Variants in UFSP2 observed in about 807,000 individuals in gnomAD.
The protein encoded by UFSP2 is ufm1-specific protease 2.
In UFSP2, 43 loss-of-function variants were observed where a neutral mutation model predicts 60.2. That is an observed-to-expected ratio of 0.71 (90% CI 0.56 to 0.92). The LOEUF (loss-of-function observed/expected upper bound fraction) is 0.92, where lower values mean the gene tolerates loss of function less well. Among genes scored for constraint, UFSP2 ranks in the 40% least tolerant of loss-of-function variants. The pLI is 0.00. For synonymous variants in UFSP2, 183 were observed against 195.1 expected (o/e 0.94, Z 0.52); for missense variants, 520 against 575.0 (o/e 0.90, Z 0.98).
chr4:185,402,446 CTG>C (rs2095514484), intron 11 of UFSP2: 1 of 378,212 alleles, frequency 2.6e-6, no homozygotes, highest in South Asian at 2.0e-5. Context: ...CTTCAGTAAA[CTG>C]AGGATATAAC....
At position 185,399,662 on chromosome 4, in the gene UFSP2, T is replaced by A; in HGVS notation, c.*730A>T. On this transcript the variant is annotated 3_prime_UTR_variant, in exon 12 of 12. Coordinates refer to ENST00000264689, the MANE Select transcript of UFSP2 (RefSeq NM_018359.5). ...AAGTTTCTTACAACAATTAAATGTA[T>A]GCAGACAATAAAAGCAAGTGAACAC... is the stretch of plus-strand genomic sequence containing the variant. 2 of 1,614,204 alleles carry A rather than the reference T, an allele frequency of 1.2e-6. No homozygotes were observed. Among genetic ancestry groups the A allele is most frequent in the Non-Finnish European group, 1.7e-6 (2 of 1,180,032 alleles).
chr4:185,407,661 T>C (rs1225072983), intron 9 of UFSP2, among the ~76,000 whole-genome samples: 1 of 152,136 alleles, frequency 6.6e-6, no homozygotes, highest in African/African-American at 2.4e-5. Context: ...TCAACGTTAA[T>C]ATATTTTTAA....
At chr4:185,425,174 C>T (rs1414229118) in intron 1 of UFSP2, among the ~76,000 whole-genome samples, 1 of 152,054 alleles carries the variant, frequency 6.6e-6, no homozygotes, top group East Asian at 1.9e-4. Context: ...AGGGAGATGT[C>T]AAGGATGATT....
Position 185,408,309 on chromosome 4 carries a change from T to C in UFSP2, c.958A>G (p.Thr320Ala), listed in dbSNP as rs1003447586. ...ICSWFKHQGY[T>A]ERSIPTHREI... Reference sequence around the variant, plus strand: ...CTGTGTGTTGGAATGGACCTCTCTGTGTATCCCTGATGTTTGAACCAAGAG... The same window carrying C: ...CTGTGTGTTGGAATGGACCTCTCTGCGTATCCCTGATGTTTGAACCAAGAG... The change falls in exon 8 of 12, where the codon ACA becomes GCA. Residue 320 changes from threonine (T) to alanine (A), a missense_variant. Coordinates refer to ENST00000264689, the MANE Select transcript of UFSP2 (RefSeq NM_018359.5). 1.2e-6 allele frequency: 2 copies of C among 1,614,064 alleles called. No homozygotes were observed. Among genetic ancestry groups the C allele is most frequent in the Admixed American group, 3.3e-5 (2 of 60,004 alleles).
chr4:185,408,416 A>T lies in UFSP2; in HGVS notation c.851T>A (p.Ile284Lys). ...ETGMIYVVQG[I>K]YGYHHYMQDR... The stretch of plus-strand genomic sequence containing the variant: ...CTGCATATAATGATGATAGCCATAT[A>T]TGCCCTGGACCACATAAATCTATAT... Residue 284 changes from isoleucine (I) to lysine (K), a missense_variant, in exon 8 of 12, where the codon ATA (isoleucine) becomes AAA (lysine). Ile to Lys is a moderately radical substitution (Grantham distance 102). Coordinates refer to ENST00000264689, the MANE Select transcript of UFSP2 (RefSeq NM_018359.5). 6.2e-7 allele frequency: 1 copy of T among 1,614,150 alleles called. No homozygotes were observed.
chr4:185,417,969 G>C (rs1215505181), intron 4 of UFSP2, among the ~76,000 whole-genome samples: 1 of 151,514 alleles, frequency 6.6e-6, no homozygotes, highest in Non-Finnish European at 1.5e-5. Flanking sequence ...ACTTGAACCC[G>C]GGAGGCGGAA....
At chr4:185,422,337 CTAAGTG>C (rs2095550892) in intron 2 of UFSP2, 142 bp downstream of exon 2, 1 of 643,736 alleles carries the variant, frequency 1.6e-6, no homozygotes, top group Non-Finnish European at 2.7e-6. Flanking sequence ...AACACAGTGT[CTAAGTG>C]TAAGTCCCAT....
intron 4 of UFSP2, among the ~76,000 whole-genome samples, chr4:185,418,047 A>ACACACACACACACACAC (rs71593625): frequency 1.4e-5 from 2 of 142,954 alleles, no homozygotes; most frequent in African/African-American, 5.4e-5. Context: ...TCCATCTCAA[A>ACACACACACACACACAC]ACACACACAC....
At chr4:185,425,679 A>G (rs1248513207) in intron 1 of UFSP2, among the ~76,000 whole-genome samples, 187 bp downstream of exon 1, 1 of 152,220 alleles carries the variant, frequency 6.6e-6, no homozygotes, top group Non-Finnish European at 1.5e-5. Flanking sequence ...ACACTTGTGT[A>G]GGGCACTTTC....
Position 185,412,852 on chromosome 4 carries a change from G to A in UFSP2, c.831+874C>T, listed in dbSNP as rs148495151. On this transcript the variant is annotated intron_variant, in intron 7 of 11. Coordinates refer to ENST00000264689, the MANE Select transcript of UFSP2 (RefSeq NM_018359.5). ...TCTATTGGTATTCCTAATCTTGGAT[G>A]CCTTATAAGGTCCTTTCTCACTGGC... Among the ~76,000 whole-genome samples, 649 of 152,250 alleles carry A rather than the reference G, an allele frequency of 4.3e-3. 5 individuals are homozygous for A. Among genetic ancestry groups the A allele is most frequent in the African/African-American group, 0.015 (626 of 41,538 alleles).
intron 1 of UFSP2, among the ~76,000 whole-genome samples, chr4:185,425,489 G>A (rs1293486674): frequency 6.6e-6 from 1 of 152,134 alleles, no homozygotes; most frequent in Non-Finnish European, 1.5e-5. Flanking sequence ...AATGAGACAG[G>A]AGAGAAACCA....
intron 4 of UFSP2, among the ~76,000 whole-genome samples, chr4:185,418,047 AACAC>A (rs56260529): frequency 7.0e-6 from 1 of 142,954 alleles, no homozygotes; most frequent in Non-Finnish European, 1.5e-5. Flanking sequence ...TCCATCTCAA[AACAC>A]ACACACACAC....
At chr4:185,411,028 CA>C (rs1296799203) in intron 7 of UFSP2, among the ~76,000 whole-genome samples, 7 of 145,060 alleles carry the variant, frequency 4.8e-5, no homozygotes, top group African/African-American at 1.8e-4. Flanking sequence ...GACAATAAAT[CA>C]AAGAAAGAGC....
At chr4:185,402,476 A>ATT (rs2095514518) in intron 11 of UFSP2, 2 of 291,398 alleles carry the variant, frequency 6.9e-6, no homozygotes, top group Non-Finnish European at 1.4e-5. Flanking sequence ...GACTACACAC[A>ATT]TTAAAAACTT....
chr4:185,425,817 C>G (rs1421043506), intron 1 of UFSP2, 49 bp downstream of exon 1: 1 of 1,589,806 alleles, frequency 6.3e-7, no homozygotes, highest in Non-Finnish European at 8.6e-7. Context: ...TGGCGGCTGC[C>G]AAAGTCCGGG....
chr4:185,405,738 A>G (rs1357434814), intron 10 of UFSP2, 42 bp downstream of exon 10: 11 of 1,579,838 alleles, frequency 7.0e-6, no homozygotes, highest in Admixed American at 3.5e-5. Flanking sequence ...TAAGTTTTGC[A>G]TATTACTCAC....
rs777800362 is a variant in UFSP2 at position 185,399,827 on chromosome 4, A to G, written c.*565T>C. The G allele has an allele frequency of 9.3e-6, 15 of 1,606,484 alleles. No homozygotes were observed. The highest frequency in any genetic ancestry group is 1.7e-5 in the Admixed American group (1 of 58,820). ...CCTCCCGCAGTGATCTCTTGTTTGC[A>G]TAGCATTTATTATTCCATTTAATAC... On this transcript the variant is annotated 3_prime_UTR_variant, in exon 12 of 12. Transcript: ENST00000264689.
chr4:185,402,627 C>G (rs7672604), intron 11 of UFSP2, among the ~76,000 whole-genome samples: 91,218 of 151,982 alleles, frequency 0.6, 30,558 homozygotes, highest in East Asian at 0.83. Context: ...AGGCGCCCAC[C>G]ACCACACCTG....
At chr4:185,405,648 C>A in intron 10 of UFSP2, 132 bp downstream of exon 10, 1 of 909,722 alleles carries the variant, frequency 1.1e-6, no homozygotes, top group Non-Finnish European at 1.6e-6. Flanking sequence ...ATCCAGAGAT[C>A]CATACATATG....
Sources: allele counts gnomAD v4.1 joint callset (sites outside exome capture counted in the v4.1 genomes callset), GRCh38; gene constraint gnomAD v4.1.1; transcripts MANE v1.5; gene names NCBI Gene and HGNC (gene_info 2026-07-23, HGNC 2026-07-21).